ZFHX4: variants seen among roughly 807,000 people sequenced by gnomAD.
ZFHX4 encodes zinc finger homeobox 4.
ZFHX4 carries 56 observed loss-of-function variants against 267.6 expected under a neutral mutation model. The ratio of observed to expected loss-of-function variants is 0.21; its 90% CI spans 0.17 to 0.26. The LOEUF (loss-of-function observed/expected upper bound fraction) is 0.26, where lower values mean the gene tolerates loss of function less well. Among genes scored for constraint, ZFHX4 ranks in the 10% least tolerant of loss-of-function variants. ZFHX4 has a pLI of 1.00. For missense variants in ZFHX4, 4,332 were observed against 4,420.0 expected (o/e 0.98, Z 0.56); for synonymous variants, 1,778 against 1,665.6 (o/e 1.07, Z -1.64).
chr8:76,840,109 T>C (rs1245173198), intron 5 of ZFHX4, among the ~76,000 whole-genome samples: 1 of 152,186 alleles, frequency 6.6e-6, no homozygotes, highest in East Asian at 1.9e-4. Flanking sequence ...TAAACAGCTT[T>C]CCCCTTCTAA....
At chr8:76,753,598 G>T (rs1017468813) in intron 3 of ZFHX4, among the ~76,000 whole-genome samples, 1 of 134,102 alleles carries the variant, frequency 7.5e-6, no homozygotes. Flanking sequence ...TCAATTGTTT[G>T]TCTGTCACAG....
intron 5 of ZFHX4, among the ~76,000 whole-genome samples, chr8:76,837,051 T>A (rs189503336): frequency 9.2e-5 from 14 of 152,230 alleles, no homozygotes; most frequent in African/African-American, 3.1e-4. Context: ...TCAAGAGCTC[T>A]GATTTTGGCA....
rs77102708 is a variant in ZFHX4, at chr8:76,708,895, G to A, written c.3093+847G>A. Among the ~76,000 whole-genome samples, 1,076 of 152,208 alleles carry A rather than the reference G, an allele frequency of 7.1e-3. 7 individuals carry two copies. The highest frequency in any genetic ancestry group is 0.024 in the South Asian group (114 of 4,826). On this transcript the variant is annotated intron_variant, in intron 3 of 10. Coordinates refer to ENST00000651372, the MANE Select transcript of ZFHX4 (RefSeq NM_024721.5). Reference sequence around the variant, plus strand: ...ATTCATTACTATGATGAATAACTTGGTAACTTATTAAAAACTTCTTTTTGT... The same window carrying A: ...ATTCATTACTATGATGAATAACTTGATAACTTATTAAAAACTTCTTTTTGT...
At chr8:76,818,934 TCCAGAGTAAA>T (rs1317295241) in intron 4 of ZFHX4, among the ~76,000 whole-genome samples, 2 of 150,838 alleles carry the variant, frequency 1.3e-5, no homozygotes, top group African/African-American at 4.9e-5. Context: ...AGAAAAGAAA[TCCAGAGTAAA>T]CTTACCAACT....
chr8:76,850,734 C>T (rs995300906), intron 9 of ZFHX4, among the ~76,000 whole-genome samples, 152 bp from the exon 10 acceptor site: 4 of 152,144 alleles, frequency 2.6e-5, no homozygotes, highest in Admixed American at 6.5e-5. Flanking sequence ...GTACCCAGTC[C>T]AGTGCTTGCC....
At chr8:76,850,504 C>T (rs1372937432) in intron 9 of ZFHX4, 142 bp downstream of exon 9, 2 of 761,086 alleles carry the variant, frequency 2.6e-6, no homozygotes, top group African/African-American at 1.8e-5. Flanking sequence ...GCCATATTTT[C>T]CAAGGCATAT....
intron 1 of ZFHX4, among the ~76,000 whole-genome samples, chr8:76,692,357 ATAT>A (rs1321687108): frequency 2.0e-5 from 3 of 152,132 alleles, no homozygotes; most frequent in African/African-American, 7.2e-5. Flanking sequence ...GCTATTAATG[ATAT>A]TATATACTTG....
rs1444192261 is a variant in ZFHX4, at chr8:76,854,403, A to G, written c.7482A>G (p.Gln2494=). ...NSLPPQLLQY[Q]CDQCTVAFPT... ...TACCTCCACAGTTACTACAATACCA[A>G]TGTGATCAGTGTACAGTTGCCTTCC... The change falls in exon 10 of 11, where the codon CAA becomes CAG. Residue 2494 remains glutamine, a synonymous_variant. Coordinates refer to ENST00000651372, the MANE Select transcript of ZFHX4 (RefSeq NM_024721.5). The G allele has an allele frequency of 4.3e-6, 7 of 1,613,832 alleles. No homozygotes were observed. In the African/African-American group the frequency reaches 6.7e-5, roughly 15 times the overall value.
chr8:76,721,793 A>G (rs1808727933), intron 3 of ZFHX4, among the ~76,000 whole-genome samples: 1 of 152,128 alleles, frequency 6.6e-6, no homozygotes, highest in African/African-American at 2.4e-5. Flanking sequence ...AATGTACAGT[A>G]ACAGTATAAT....
intron 3 of ZFHX4, among the ~76,000 whole-genome samples, chr8:76,709,910 C>T (rs1808380640): frequency 6.6e-6 from 1 of 151,768 alleles, no homozygotes; most frequent in Non-Finnish European, 1.5e-5. Context: ...GCCACAGTTA[C>T]CCTTGAAGTT....
intron 4 of ZFHX4, among the ~76,000 whole-genome samples, chr8:76,814,599 A>G (rs1392132212): frequency 1.3e-5 from 2 of 152,206 alleles, no homozygotes; most frequent in Non-Finnish European, 2.9e-5. Context: ...TTAGAAAAAT[A>G]TAGTTTGATA....
At chr8:76,740,938 T>C (rs1314849048) in intron 3 of ZFHX4, among the ~76,000 whole-genome samples, 3 of 152,140 alleles carry the variant, frequency 2.0e-5, no homozygotes, top group African/African-American at 7.2e-5. Flanking sequence ...CTGATATAGT[T>C]TTGAAAAATC....
chr8:76,822,561 T>C (rs1012312573), intron 4 of ZFHX4, among the ~76,000 whole-genome samples: 1 of 149,960 alleles, frequency 6.7e-6, no homozygotes, highest in African/African-American at 2.5e-5. Context: ...CACCTCAGTA[T>C]CCTGAGTAAC....
chr8:76,849,596 C>G lies in ZFHX4; in HGVS notation c.3730C>G (p.Pro1244Ala). Reference sequence around the variant, plus strand: ...CGTCCTATCACAGCACTCGGTGCAGCCGGTCATCTGCTGTCCTCTCTGTCA... The same window carrying G: ...CGTCCTATCACAGCACTCGGTGCAGGCGGTCATCTGCTGTCCTCTCTGTCA... ...MHVLSQHSVQ[P>A]VICCPLCQDV... Residue 1244 changes from proline to alanine, a missense_variant, in exon 8 of 11, where the codon CCG (proline) becomes GCG (alanine). By Grantham distance (27) the Pro-to-Ala change is conservative. Coordinates refer to ENST00000651372, the MANE Select transcript of ZFHX4 (RefSeq NM_024721.5). The G allele has an allele frequency of 1.9e-6, 3 of 1,613,940 alleles. No individual in the cohort carries two copies. The highest frequency in any genetic ancestry group is 2.2e-5 in the East Asian group (1 of 44,870).
intron 1 of ZFHX4, among the ~76,000 whole-genome samples, chr8:76,699,229 C>T (rs1425112371): frequency 1.3e-5 from 2 of 152,172 alleles, no homozygotes; most frequent in Non-Finnish European, 2.9e-5. Flanking sequence ...CCAACCCCCA[C>T]CTCTAAAAAT....
chr8:76,692,475 A>G (rs1807849101), intron 1 of ZFHX4, among the ~76,000 whole-genome samples: 1 of 152,154 alleles, frequency 6.6e-6, no homozygotes, highest in African/African-American at 2.4e-5. Context: ...CCAGTTATTA[A>G]TAATTCAATA....
intron 6 of ZFHX4, among the ~76,000 whole-genome samples, 195 bp from the exon 7 acceptor site, chr8:76,848,800 A>C (rs1011808475): frequency 6.6e-6 from 1 of 152,196 alleles, no homozygotes; most frequent in African/African-American, 2.4e-5. Context: ...TTTAAAATAT[A>C]TTTATAAAGT....
chr8:76,792,490 A>G (rs1810864373), intron 4 of ZFHX4, among the ~76,000 whole-genome samples: 1 of 152,198 alleles, frequency 6.6e-6, no homozygotes. Context: ...AATATTTGTG[A>G]ATTTATTATT....
intron 10 of ZFHX4, among the ~76,000 whole-genome samples, chr8:76,862,082 G>T (rs1168411447): frequency 6.6e-6 from 1 of 152,110 alleles, no homozygotes; most frequent in East Asian, 1.9e-4. Flanking sequence ...AAAGGCACAG[G>T]CTTTTACAAG....
Sources: allele counts gnomAD v4.1 joint callset (sites outside exome capture counted in the v4.1 genomes callset), GRCh38; gene constraint gnomAD v4.1.1; transcripts MANE v1.5; gene names NCBI Gene and HGNC (gene_info 2026-07-23, HGNC 2026-07-21).